BMP6: variants seen among roughly 807,000 people sequenced by gnomAD.
BMP6 encodes the protein VG-1-R.
A neutral mutation model predicts 54.1 loss-of-function variants in BMP6; 17 were observed. The ratio of observed to expected loss-of-function variants is 0.31; its 90% CI spans 0.22 to 0.47. The LOEUF is 0.47. Among genes scored for constraint, BMP6 ranks in the 20% least tolerant of loss-of-function variants. The pLI is 1.00. For missense variants in BMP6, 720 were observed against 690.4 expected, an observed-to-expected ratio of 1.04 and a Z score of -0.48; for synonymous variants, 328 against 291.2, an observed-to-expected ratio of 1.13 and a Z score of -1.28.
At chr6:7,748,580 G>T (rs759977401) in intron 1 of BMP6, among the ~76,000 whole-genome samples, 2 of 152,160 alleles carry the variant, frequency 1.3e-5, no homozygotes, top group Non-Finnish European at 2.9e-5. Flanking sequence ...CAATGCAGGG[G>T]AAAATGAAGT....
intron 1 of BMP6, among the ~76,000 whole-genome samples, chr6:7,779,186 G>A (rs1057367436): frequency 1.3e-5 from 2 of 152,224 alleles, no homozygotes; most frequent in African/African-American, 2.4e-5. Flanking sequence ...TTTGTGGTGG[G>A]TGCCCAAGAA....
intron 1 of BMP6, among the ~76,000 whole-genome samples, chr6:7,798,061 C>G (rs1758216685): frequency 6.6e-6 from 1 of 152,190 alleles, no homozygotes; most frequent in Non-Finnish European, 1.5e-5. Flanking sequence ...TGCTCTAGTA[C>G]TCTCTCTAAG....
At chr6:7,781,215 A>G (rs1378647448) in intron 1 of BMP6, among the ~76,000 whole-genome samples, 1 of 152,238 alleles carries the variant, frequency 6.6e-6, no homozygotes, top group Non-Finnish European at 1.5e-5. Flanking sequence ...TTTCTGCAAA[A>G]TAAGTAGTAT....
chr6:7,748,697 A>G (rs35011499), intron 1 of BMP6, among the ~76,000 whole-genome samples: 21,307 of 152,178 alleles, frequency 0.14, 1,617 homozygotes, highest in East Asian at 0.3. Context: ...CCCATTATTA[A>G]GCTTACCGAG....
intron 1 of BMP6, among the ~76,000 whole-genome samples, chr6:7,823,699 C>A (rs937365649): frequency 2.0e-5 from 3 of 152,126 alleles, no homozygotes; most frequent in African/African-American, 7.2e-5. Context: ...AGCTGTGTGG[C>A]TGTCTGGGGT....
chr6:7,813,108 A>AAAAAAAAAATATATAT (rs1554122651), intron 1 of BMP6, among the ~76,000 whole-genome samples: 1 of 21,496 alleles, frequency 4.7e-5, no homozygotes. Context: ...AAAAAAAAAA[A>AAAAAAAAAATATATAT]ATATATATAT....
chr6:7,745,549 G>C (rs1757333619), intron 1 of BMP6, among the ~76,000 whole-genome samples: 1 of 152,216 alleles, frequency 6.6e-6, no homozygotes, highest in Non-Finnish European at 1.5e-5. Context: ...GAGATTACAG[G>C]CGTGAGCCAC....
chr6:7,777,135 A>G (rs1342781154), intron 1 of BMP6, among the ~76,000 whole-genome samples: 1 of 152,178 alleles, frequency 6.6e-6, no homozygotes, highest in African/African-American at 2.4e-5. Context: ...TGATCTAGCA[A>G]GGATATCTTC....
chr6:7,813,936 C>A (rs1026521623), intron 1 of BMP6, among the ~76,000 whole-genome samples: 1 of 152,160 alleles, frequency 6.6e-6, no homozygotes, highest in South Asian at 2.1e-4. Context: ...TTGGGGACAT[C>A]CAGGTAGTCC....
intron 1 of BMP6, among the ~76,000 whole-genome samples, chr6:7,809,940 AAG>A (rs1758411590): frequency 1.1e-5 from 1 of 86,972 alleles, no homozygotes; most frequent in Non-Finnish European, 2.2e-5. Context: ...CTCTTGTACA[AAG>A]AGACCACTTA....
intron 1 of BMP6, among the ~76,000 whole-genome samples, chr6:7,785,191 T>C (rs566268648): frequency 6.6e-6 from 1 of 152,372 alleles, no homozygotes; most frequent in African/African-American, 2.4e-5. Flanking sequence ...ACTTGTCTTC[T>C]ACCCACTAGT....
In BMP6 at chr6:7,726,766, C is replaced by T. The variant is rs1202474166; in HGVS notation, c.-190C>T. ...CCTGGTGATCGCCCCTTCGCCACCT[C>T]TCTAGCCTGGGCAACTGGGGGCGCC... is the stretch of plus-strand genomic sequence containing the variant. On this transcript the variant is annotated 5_prime_UTR_variant, in exon 1 of 7. Coordinates refer to ENST00000283147, the MANE Select transcript of BMP6 (RefSeq NM_001718.6). The T allele has an allele frequency of 4.5e-6, 1 of 221,030 alleles. No homozygotes were observed. Among genetic ancestry groups the T allele is most frequent in the African/African-American group, 2.3e-5 (1 of 42,926 alleles). 13.7% of individuals were successfully genotyped at this position (221,030 alleles called of 1,614,324 possible).
At chr6:7,846,611 T>C (rs1667770168) in intron 2 of BMP6, among the ~76,000 whole-genome samples, 4 of 152,226 alleles carry the variant, frequency 2.6e-5, no homozygotes, top group African/African-American at 9.6e-5. Context: ...CTAGGAGAGC[T>C]AAATAATGAG....
intron 1 of BMP6, among the ~76,000 whole-genome samples, chr6:7,813,113 ATATATATATATATATATATAT>A (rs1758462888): frequency 2.0e-5 from 1 of 49,364 alleles, no homozygotes; most frequent in African/African-American, 1.1e-4. Flanking sequence ...AAAAAAATAT[ATATATATATATATATATATAT>A]ATATATATAT....
chr6:7,744,963 T>C (rs963191984), intron 1 of BMP6, among the ~76,000 whole-genome samples: 15 of 152,230 alleles, frequency 9.9e-5, no homozygotes, highest in African/African-American at 3.6e-4. Context: ...GTGCCCAGAA[T>C]GTGCCTAGTT....
intron 2 of BMP6, among the ~76,000 whole-genome samples, chr6:7,859,870 G>A (rs1759307624): frequency 6.6e-6 from 1 of 152,028 alleles, no homozygotes; most frequent in Non-Finnish European, 1.5e-5. Flanking sequence ...TGGGAAAGAC[G>A]ACAATAGAGT....
At chr6:7,800,079 G>GGTGTGTGTGT (rs72469855) in intron 1 of BMP6, among the ~76,000 whole-genome samples, 11 of 145,066 alleles carry the variant, frequency 7.6e-5, no homozygotes, top group East Asian at 2.0e-4. Flanking sequence ...TAAAGGAAGG[G>GGTGTGTGTGT]GTGTGTGTGT....
chr6:7,857,217 A>G (rs1221712381), intron 2 of BMP6, among the ~76,000 whole-genome samples: 2 of 152,222 alleles, frequency 1.3e-5, no homozygotes, highest in Admixed American at 6.5e-5. Context: ...TTTCTGATTC[A>G]TCAACTCTAA....
intron 4 of BMP6, among the ~76,000 whole-genome samples, chr6:7,873,061 C>A (rs1225791498): frequency 6.6e-6 from 1 of 152,136 alleles, no homozygotes; most frequent in Non-Finnish European, 1.5e-5. Context: ...CCACCTTAGC[C>A]TCCAATAGTG....
Sources: allele counts gnomAD v4.1 joint callset (sites outside exome capture counted in the v4.1 genomes callset), GRCh38; gene constraint gnomAD v4.1.1; transcripts MANE v1.5; gene names NCBI Gene and HGNC (gene_info 2026-07-23, HGNC 2026-07-21).